EEF2KMT: variants seen among roughly 807,000 people sequenced by gnomAD.
The protein encoded by EEF2KMT is protein-lysine N-methyltransferase EEF2KMT.
Under a neutral mutation model 35.1 loss-of-function variants are expected in EEF2KMT, and 30 were observed. The observed-to-expected ratio is 0.85, with a 90% CI of 0.64 to 1.16. The LOEUF is 1.16. EEF2KMT is among the 50% of genes most tolerant of loss of function. EEF2KMT has a pLI of 0.00. For missense variants in EEF2KMT, 499 were observed against 438.2 expected, an observed-to-expected ratio of 1.14 and a Z score of -1.24; for synonymous variants, 190 against 187.7, an observed-to-expected ratio of 1.01 and a Z score of -0.10.
chr16:5,095,843 G>T (rs1419561942), intron 1 of EEF2KMT, among the ~76,000 whole-genome samples: 3 of 22,210 alleles, frequency 1.4e-4, no homozygotes, highest in Admixed American at 5.6e-4. Context: ...CCATCTAAGT[G>T]GAGATGCAGA....
Position 5,085,500 on chromosome 16 carries a change from G to A in EEF2KMT, c.*132C>T. 1.3e-6 allele frequency: 1 copy of A among 775,550 alleles called. No individual in the cohort carries two copies. The highest frequency in any genetic ancestry group is 2.3e-6 in the Non-Finnish European group (1 of 440,176). 48.0% of individuals were successfully genotyped at this position (775,550 alleles called of 1,614,324 possible). On this transcript the variant is annotated 3_prime_UTR_variant, in exon 8 of 8. Coordinates refer to ENST00000427587, the MANE Select transcript of EEF2KMT (RefSeq NM_201400.4). ...GATGTCTTATTAGAGGGCAGTTTGT[G>A]GTTCCTGATTTGGAAATTAACATTC... is the stretch of plus-strand genomic sequence containing the variant.
Position 5,089,186 on chromosome 16 carries a change from C to T in EEF2KMT, c.813G>A (p.Glu271=), listed in dbSNP as rs528172612. ...GVLRRLAACR[E]HQRAPEVYVA... ...CGTAGACCTCAGGAGCCCGCTGGTG[C>T]TCCCGGCAGGCAGCCAGCCTCCGCA... Residue 271 remains glutamate (E), a synonymous_variant, in exon 7 of 8, where the codon GAG becomes GAA. Transcript: ENST00000427587. The T allele has an allele frequency of 1.3e-5, 21 of 1,611,016 alleles. No homozygotes were observed. The highest frequency in any genetic ancestry group is 1.1e-4 in the South Asian group (10 of 91,012).
chr16:5,093,992 C>T (rs913178783), intron 2 of EEF2KMT, among the ~76,000 whole-genome samples: 1 of 152,214 alleles, frequency 6.6e-6, no homozygotes, highest in Non-Finnish European at 1.5e-5. Context: ...CTCCGGGTGA[C>T]ACTCCAGCTA....
chr16:5,087,924 T>G (rs1957241211), intron 7 of EEF2KMT, among the ~76,000 whole-genome samples: 1 of 2,090 alleles, frequency 4.8e-4, no homozygotes, highest in Non-Finnish European at 1.5e-3. Context: ...AAAGACTTCC[T>G]TTTTTTTTTT....
chr16:5,096,290 A>G (rs143580797), intron 1 of EEF2KMT, among the ~76,000 whole-genome samples: 70 of 152,052 alleles, frequency 4.6e-4, no homozygotes, highest in African/African-American at 1.6e-3. Flanking sequence ...CGCATTCACT[A>G]TTTCCCTGTT....
rs774100563 is a variant in EEF2KMT, at chr16:5,090,384, C to T, written c.477-35G>A. Reference sequence around the variant, plus strand: ...GGAAAGGGGACCGTGTCTGCGACTGCACCAGGGTAAGCCTGCCTCGGTGCC... The same window carrying T: ...GGAAAGGGGACCGTGTCTGCGACTGTACCAGGGTAAGCCTGCCTCGGTGCC... On this transcript the variant is annotated intron_variant, in intron 5 of 7. Coordinates refer to ENST00000427587, the MANE Select transcript of EEF2KMT (RefSeq NM_201400.4). The surrounding 1 kb of genome is among the most constrained non-coding windows in gnomAD (Gnocchi z 4.1). The T allele has an allele frequency of 1.2e-6, 2 of 1,612,048 alleles. No individual in the cohort carries two copies. The highest frequency in any genetic ancestry group is 1.1e-5 in the South Asian group (1 of 90,992).
intron 7 of EEF2KMT, among the ~76,000 whole-genome samples, chr16:5,088,733 G>T (rs543147440): frequency 6.6e-6 from 1 of 152,094 alleles, no homozygotes; most frequent in Non-Finnish European, 1.5e-5. Context: ...TGGTGGATCC[G>T]CCTGTACATC....
intron 1 of EEF2KMT, chr16:5,097,280 C>T (rs1185698116): frequency 1.5e-6 from 2 of 1,327,806 alleles, no homozygotes; most frequent in Admixed American, 4.5e-5. Context: ...ACGTGGTTAC[C>T]TGCGGTCCTG....
At chr16:5,089,409 C>T (rs969986512) in intron 6 of EEF2KMT, 153 bp from the exon 7 acceptor site, 12 of 1,073,126 alleles carry the variant, frequency 1.1e-5, no homozygotes, top group Admixed American at 5.3e-5. Context: ...AAGGCAATTA[C>T]TTGGGTGAAA....
chr16:5,091,565 G>C (rs1462062099), intron 4 of EEF2KMT, among the ~76,000 whole-genome samples: 1 of 152,250 alleles, frequency 6.6e-6, no homozygotes, highest in South Asian at 2.1e-4. Flanking sequence ...GAAGCAGGTA[G>C]TGTGTGTCAC....
intron 7 of EEF2KMT, among the ~76,000 whole-genome samples, chr16:5,087,896 T>TC (rs1957239535): frequency 1.3e-5 from 2 of 150,834 alleles, no homozygotes; most frequent in Admixed American, 1.3e-4. Flanking sequence ...AGGTTTTTTT[T>TC]CACGTAAGTA....
intron 3 of EEF2KMT, 60 bp downstream of exon 3, chr16:5,093,424 G>C: frequency 1.2e-6 from 2 of 1,609,746 alleles, no homozygotes; most frequent in East Asian, 2.2e-5. Context: ...AAGGACGGGG[G>C]CTCCAGCACG....
At position 5,091,908 on chromosome 16, in the gene EEF2KMT, AGAGT is replaced by A; in HGVS notation, c.241-17_241-14del. The A allele has an allele frequency of 6.2e-7, 1 of 1,611,518 alleles. No individual in the cohort carries two copies. Among genetic ancestry groups the A allele is most frequent in the Non-Finnish European group, 8.5e-7 (1 of 1,179,554 alleles). ...GGACAGCCTCGTGCTGGGGGCAGAC[AGAGT>A]GAGAGCTTGTTTGCTTTCGTTCTAA... On this transcript the variant is annotated splice_polypyrimidine_tract_variant and intron_variant, in intron 3 of 7. Coordinates refer to ENST00000427587, the MANE Select transcript of EEF2KMT (RefSeq NM_201400.4).
chr16:5,088,442 C>G (rs1484317868), intron 7 of EEF2KMT, among the ~76,000 whole-genome samples: 1 of 152,056 alleles, frequency 6.6e-6, no homozygotes, highest in Non-Finnish European at 1.5e-5. Flanking sequence ...TCAGGGGGAG[C>G]TGGGGCAAAG....
At chr16:5,096,560 A>G (rs1015935856) in intron 1 of EEF2KMT, among the ~76,000 whole-genome samples, 14 of 152,330 alleles carry the variant, frequency 9.2e-5, no homozygotes, top group Non-Finnish European at 1.6e-4. Context: ...GGTAGGTATC[A>G]TTATATCCCC....
chr16:5,088,086 C>T (rs1457724721), intron 7 of EEF2KMT, among the ~76,000 whole-genome samples: 1 of 151,946 alleles, frequency 6.6e-6, no homozygotes, highest in East Asian at 2.0e-4. Context: ...GGACTACAGG[C>T]GTGTGCAACC....
At chr16:5,097,566 T>G in intron 1 of EEF2KMT, 78 bp downstream of exon 1, 1 of 1,523,804 alleles carries the variant, frequency 6.6e-7, no homozygotes, top group Non-Finnish European at 8.8e-7. Flanking sequence ...CGCCAGGGGC[T>G]TCAGCACGGA....
chr16:5,085,857 A>C (rs886715765), intron 7 of EEF2KMT, 125 bp from the exon 8 acceptor site: 8 of 784,170 alleles, frequency 1.0e-5, no homozygotes, highest in Non-Finnish European at 1.6e-5. Context: ...TACTTGGTTC[A>C]CAGGTTCCCA....
intron 1 of EEF2KMT, among the ~76,000 whole-genome samples, chr16:5,096,403 G>A (rs1957466213): frequency 6.6e-6 from 1 of 152,170 alleles, no homozygotes; most frequent in South Asian, 2.1e-4. Flanking sequence ...CATGGGTACT[G>A]CTGATCCATG....
Sources: gnomAD v4.1 joint callset for allele counts (sites outside exome capture counted in the v4.1 genomes callset) on GRCh38, gnomAD v4.1.1 for gene constraint, Gnocchi (gnomAD v3.1) non-coding constraint, MANE v1.5 for transcripts, NCBI Gene and HGNC (gene_info 2026-07-23, HGNC 2026-07-21) for gene names.